The following UGT2A3 variants were observed in gnomAD, a reference collection of about 807,000 sequenced individuals.
The protein encoded by UGT2A3 is UDP-glucuronosyltransferase 2A3.
Under a neutral mutation model 44.1 loss-of-function variants are expected in UGT2A3, and 55 were observed. The observed-to-expected ratio is 1.25, with a 90% CI of 1.00 to 1.56. The LOEUF is 1.56. UGT2A3 is among the 40% of genes most tolerant of loss of function. UGT2A3 has a pLI of 0.00. For synonymous variants in UGT2A3, 243 were observed against 215.1 expected, an observed-to-expected ratio of 1.13 and a Z score of -1.13; for missense variants, 733 against 621.6, an observed-to-expected ratio of 1.18 and a Z score of -1.91.
intron 2 of UGT2A3, among the ~76,000 whole-genome samples, chr4:68,935,539 C>A (rs1201741277): frequency 7.9e-5 from 12 of 151,530 alleles, no homozygotes; most frequent in African/African-American, 2.7e-4. Flanking sequence ...ACATCCACAC[C>A]AAAACCCCAT....
intron 1 of UGT2A3, among the ~76,000 whole-genome samples, chr4:68,950,177 T>A (rs1718529065): frequency 6.6e-6 from 1 of 151,902 alleles, no homozygotes; most frequent in South Asian, 2.1e-4. Context: ...TATCTGCAGC[T>A]AGGCACAGCT....
At chr4:68,939,527 A>G (rs933262901) in intron 2 of UGT2A3, among the ~76,000 whole-genome samples, 1 of 152,172 alleles carries the variant, frequency 6.6e-6, no homozygotes, top group Non-Finnish European at 1.5e-5. Context: ...CCCTTCTTAC[A>G]TCTTATACAA....
chr4:68,942,395 G>GAT (rs1718223416), intron 2 of UGT2A3, among the ~76,000 whole-genome samples: 1 of 145,338 alleles, frequency 6.9e-6, no homozygotes. Context: ...TATATGTATA[G>GAT]ATATATATTT....
chr4:68,945,215 C>T, intron 2 of UGT2A3, 91 bp downstream of exon 2: 1 of 1,473,342 alleles, frequency 6.8e-7, no homozygotes, highest in Middle Eastern at 2.1e-4. Context: ...AGACATTCAA[C>T]ATCATCCTTC....
chr4:68,936,347 A>C (rs1717951529), intron 2 of UGT2A3, among the ~76,000 whole-genome samples: 1 of 152,208 alleles, frequency 6.6e-6, no homozygotes, highest in African/African-American at 2.4e-5. Context: ...AAAGCCCATC[A>C]GACAAACAGT....
In UGT2A3 at chr4:68,929,973, C is replaced by G. The variant is rs369449006; in HGVS notation, c.1424G>C (p.Arg475Pro). 1.1e-5 allele frequency: 17 copies of G among 1,613,502 alleles called. No individual in the cohort carries two copies. The African/African-American group carries it at 2.1e-4, about 20-fold the overall frequency. Residue 475 changes from arginine to proline, a missense_variant, in exon 6 of 6, where the codon CGA (arginine) becomes CCA (proline). Transcript: ENST00000251566. ...CCAGGTGAGGTCATGGGCAGCTGATCGCAGGTGCTTGGCTCCTTTGTGGCG... is the reference window on the plus strand; with the variant it reads ...CCAGGTGAGGTCATGGGCAGCTGATGGCAGGTGCTTGGCTCCTTTGTGGCG... ...VMRHKGAKHL[R>P]SAAHDLTWFQ...
In UGT2A3 at chr4:68,942,504, G is replaced by GATAT. The variant is rs34118122; in HGVS notation, c.864+2798_864+2801dup. Among the ~76,000 whole-genome samples, 844 of 130,706 alleles carry GATAT rather than the reference G, an allele frequency of 6.5e-3. 3 individuals carry two copies. The highest frequency in any genetic ancestry group is 0.013 in the African/African-American group (438 of 33,320). The allele number at this position is 130,706 out of a possible 152,430, so 85.7% of individuals were successfully genotyped here. On this transcript the variant is annotated intron_variant, in intron 2 of 5. Transcript: ENST00000251566. ...TATAGCTCAATAGCATTCCACTGGAGATATATATATATATATATATATATA... is the reference window on the plus strand; with the variant it reads ...TATAGCTCAATAGCATTCCACTGGAGATATATATATATATATATATATATATATA...
intron 1 of UGT2A3, among the ~76,000 whole-genome samples, chr4:68,945,883 A>G (rs1718368900): frequency 6.6e-6 from 1 of 151,644 alleles, no homozygotes; most frequent in Non-Finnish European, 1.5e-5. Context: ...TGAGTACCAC[A>G]ATATCTTCAC....
intron 1 of UGT2A3, among the ~76,000 whole-genome samples, chr4:68,948,113 G>A (rs1329283221): frequency 6.6e-6 from 1 of 151,782 alleles, no homozygotes; most frequent in Non-Finnish European, 1.5e-5. Context: ...AGTTTTAAAT[G>A]GCATCTTCTT....
chr4:68,942,520 T>TAC (rs1560460461), intron 2 of UGT2A3, among the ~76,000 whole-genome samples: 7 of 6,278 alleles, frequency 1.1e-3, no homozygotes, highest in South Asian at 7.8e-3. Context: ...TATATATATA[T>TAC]ATATATATAT....
chr4:68,931,130 T>C, intron 4 of UGT2A3, 25 bp downstream of exon 4: 4 of 1,570,172 alleles, frequency 2.5e-6, no homozygotes, highest in Non-Finnish European at 3.5e-6. Context: ...GTCTAGTTCA[T>C]ATTTTTACTT....
In UGT2A3 at chr4:68,951,242, A is replaced by T; in HGVS notation, c.519T>A (p.Ser173=). 2 of 1,611,550 alleles carry T rather than the reference A, an allele frequency of 1.2e-6. No individual in the cohort carries two copies. Among genetic ancestry groups the T allele is most frequent in the Non-Finnish European group, 1.7e-6 (2 of 1,178,868 alleles). ...AVPFVLTLRI[S]VGGNMERSCG... Reference sequence around the variant, plus strand: ...AGCTTCGCTCCATATTGCCTCCTACAGAAATTCTAAGTGTGAGCACAAAAG... The same window carrying T: ...AGCTTCGCTCCATATTGCCTCCTACTGAAATTCTAAGTGTGAGCACAAAAG... Residue 173 remains serine (S), a synonymous_variant, in exon 1 of 6, where the codon TCT becomes TCA. Coordinates refer to ENST00000251566, the MANE Select transcript of UGT2A3 (RefSeq NM_024743.4).
intron 1 of UGT2A3, 52 bp from the exon 2 acceptor site, chr4:68,945,506 T>G: frequency 6.8e-7 from 1 of 1,478,900 alleles, no homozygotes; most frequent in Non-Finnish European, 9.1e-7. Flanking sequence ...AATAAAAAAT[T>G]GTATCACTAA....
chr4:68,937,636 A>G (rs181030533), intron 2 of UGT2A3, among the ~76,000 whole-genome samples: 1 of 152,256 alleles, frequency 6.6e-6, no homozygotes, highest in Admixed American at 6.5e-5. Context: ...ACACCCTAAC[A>G]TCACAATTAA....
At chr4:68,943,802 A>G (rs1339238974) in intron 2 of UGT2A3, among the ~76,000 whole-genome samples, 1 of 151,688 alleles carries the variant, frequency 6.6e-6, no homozygotes, top group Non-Finnish European at 1.5e-5. Context: ...CTTGGGCTTG[A>G]ATCACTGATC....
chr4:68,930,714 T>C lies in UGT2A3; in HGVS notation c.1136A>G (p.Tyr379Cys). The change falls in exon 5 of 6, where the codon TAT (tyrosine) becomes TGT (cysteine). Residue 379 changes from tyrosine to cysteine, a missense_variant. Coordinates refer to ENST00000251566, the MANE Select transcript of UGT2A3 (RefSeq NM_024743.4). The stretch of plus-strand genomic sequence containing the variant: ...AGGGACCCCATGGTAAATAGCTTCA[T>C]AGATCCCATTCATTCCACCATGAGT... ...FITHGGMNGIYEAIYHGVPMV... is the reference protein window; with the variant it reads ...FITHGGMNGICEAIYHGVPMV... The C allele has an allele frequency of 6.2e-7, 1 of 1,612,594 alleles. No homozygotes were observed. Among genetic ancestry groups the C allele is most frequent in the South Asian group, 1.1e-5 (1 of 90,956 alleles).
chr4:68,942,508 T>TATATATATATAC (rs1386338685), intron 2 of UGT2A3, among the ~76,000 whole-genome samples: 2 of 8,194 alleles, frequency 2.4e-4, no homozygotes, highest in African/African-American at 4.1e-4. Flanking sequence ...ACTGGAGATA[T>TATATATATATAC]ATATATATAT....
chr4:68,930,206 A>T, intron 5 of UGT2A3, 114 bp from the exon 6 acceptor site: 1 of 1,217,698 alleles, frequency 8.2e-7, no homozygotes, highest in Non-Finnish European at 1.1e-6. Context: ...TCAGTAAAAG[A>T]TTGATTCTGG....
At chr4:68,932,153 T>A (rs1717760804) in intron 3 of UGT2A3, among the ~76,000 whole-genome samples, 1 of 151,968 alleles carries the variant, frequency 6.6e-6, no homozygotes, top group Non-Finnish European at 1.5e-5. Flanking sequence ...GACATTTTAC[T>A]TTTGAAACTT....
Sources: allele counts gnomAD v4.1 joint callset (sites outside exome capture counted in the v4.1 genomes callset), GRCh38; gene constraint gnomAD v4.1.1; transcripts MANE v1.5; gene names NCBI Gene and HGNC (gene_info 2026-07-23, HGNC 2026-07-21).